Variants in STAU2 observed in about 807,000 individuals in gnomAD.
STAU2 encodes the protein staufen double-stranded RNA binding protein 2, also known as double-stranded RNA-binding protein Staufen homolog 2.
In STAU2, 20 loss-of-function variants were observed where a neutral mutation model predicts 65.9. The ratio of observed to expected loss-of-function variants is 0.30; its 90% CI spans 0.21 to 0.44. The LOEUF (loss-of-function observed/expected upper bound fraction) is 0.44, where lower values mean the gene tolerates loss of function less well. STAU2 is among the 20% of genes least tolerant of loss of function. STAU2 has a pLI of 1.00. For synonymous variants in STAU2, 232 were observed against 233.9 expected, an observed-to-expected ratio of 0.99 and a Z score of 0.07; for missense variants, 558 against 683.9, an observed-to-expected ratio of 0.82 and a Z score of 2.05.
At chr8:73,551,852 A>G in intron 13 of STAU2, 160 bp downstream of exon 13, 4 of 1,310,720 alleles carry the variant, frequency 3.1e-6, no homozygotes, top group Non-Finnish European at 3.9e-6. Flanking sequence ...AGGCATGTGC[A>G]TATGGCTTTT....
chr8:73,627,440 A>AG (rs1188477806), intron 6 of STAU2, among the ~76,000 whole-genome samples: 1 of 152,106 alleles, frequency 6.6e-6, no homozygotes, highest in Non-Finnish European at 1.5e-5. Context: ...GCCTCGTCAC[A>AG]GGGGCCTTCT....
At chr8:73,704,015 A>G (rs1215281528) in intron 4 of STAU2, among the ~76,000 whole-genome samples, 1 of 152,138 alleles carries the variant, frequency 6.6e-6, no homozygotes, top group Non-Finnish European at 1.5e-5. Context: ...TTTCCCTTCC[A>G]CTATCCTCAC....
chr8:73,703,106 C>G (rs78263291), intron 4 of STAU2, among the ~76,000 whole-genome samples: 1 of 152,100 alleles, frequency 6.6e-6, no homozygotes, highest in East Asian at 1.9e-4. Context: ...GGTTTGGATC[C>G]GTGTCCCCAC....
intron 13 of STAU2, among the ~76,000 whole-genome samples, chr8:73,467,407 C>T (rs2128903570): frequency 6.6e-6 from 1 of 152,242 alleles, no homozygotes; most frequent in Admixed American, 6.5e-5. Flanking sequence ...TGGCGGGCGC[C>T]TGTAGTCCCA....
At position 73,552,234 on chromosome 8, in the gene STAU2, T is replaced by A. The variant is rs770341717; in HGVS notation, c.1308A>T (p.Leu436=). The change falls in exon 13 of 15, where the codon CTA becomes CTT. Residue 436 remains leucine, a synonymous_variant. Transcript: ENST00000524300. ...TCATATCTTTGGGTGACAAATAGCC[T>A]AGAGTAGTGCCAGAGATTACTTTGT... The part of the protein sequence containing the change: ...SRHKVISGTT[L]GYLSPKDMNQ... 6.2e-7 allele frequency: 1 copy of A among 1,613,996 alleles called. No homozygotes were observed. Among genetic ancestry groups the A allele is most frequent in the East Asian group, 2.2e-5 (1 of 44,864 alleles).
chr8:73,604,219 C>CATTTT (rs747579074), intron 9 of STAU2, among the ~76,000 whole-genome samples: 5 of 151,914 alleles, frequency 3.3e-5, no homozygotes, highest in Non-Finnish European at 7.4e-5. Context: ...AACACATTAT[C>CATTTT]ATTTTATTTT....
At chr8:73,612,327 A>C (rs1156755887) in intron 9 of STAU2, among the ~76,000 whole-genome samples, 1 of 152,236 alleles carries the variant, frequency 6.6e-6, no homozygotes, top group Non-Finnish European at 1.5e-5. Flanking sequence ...AATCCCATAC[A>C]GCAAGGTCAG....
chr8:73,516,113 T>C (rs1822712831), intron 13 of STAU2, among the ~76,000 whole-genome samples: 1 of 151,598 alleles, frequency 6.6e-6, no homozygotes, highest in Admixed American at 6.6e-5. Flanking sequence ...TTTTTTTTGG[T>C]ATTTTCTGTA....
intron 6 of STAU2, chr8:73,669,138 C>T: frequency 1.4e-6 from 1 of 701,246 alleles, no homozygotes; most frequent in Non-Finnish European, 2.6e-6. Context: ...TATGAGAAAT[C>T]ATGGTTGTAA....
Position 73,676,210 on chromosome 8 carries a change from TCAAGACTG to T in STAU2, c.275-2976_275-2969del, listed in dbSNP as rs142962554. Among the ~76,000 whole-genome samples, 235 of 152,170 alleles carry T rather than the reference TCAAGACTG, an allele frequency of 1.5e-3. 1 individual carries two copies. The highest frequency in any genetic ancestry group is 5.1e-3 in the African/African-American group (211 of 41,516). On this transcript the variant is annotated intron_variant, in intron 5 of 14. Coordinates refer to ENST00000524300, the MANE Select transcript of STAU2 (RefSeq NM_001164380.2). ...TAAGACCCATCTACACACTGTGGAG[TCAAGACTG>T]GATCTTTCCTCCACAGACCTATTAC...
intron 5 of STAU2, among the ~76,000 whole-genome samples, chr8:73,674,454 AC>A (rs1352719746): frequency 6.6e-6 from 1 of 151,976 alleles, no homozygotes; most frequent in Non-Finnish European, 1.5e-5. Flanking sequence ...CTTAAGTCAA[AC>A]AAAATTAAAT....
At chr8:73,662,426 T>C (rs575383062) in intron 6 of STAU2, among the ~76,000 whole-genome samples, 1 of 152,366 alleles carries the variant, frequency 6.6e-6, no homozygotes, top group South Asian at 2.1e-4. Flanking sequence ...TGATGACATG[T>C]AATTTCTCAA....
At chr8:73,709,826 T>A (rs1488056025) in intron 3 of STAU2, among the ~76,000 whole-genome samples, 2 of 152,044 alleles carry the variant, frequency 1.3e-5, no homozygotes, top group Admixed American at 1.3e-4. Context: ...CCTGTTAAGT[T>A]CCTTATTATC....
chr8:73,681,679 A>T (rs545983438), intron 5 of STAU2, among the ~76,000 whole-genome samples: 7 of 152,264 alleles, frequency 4.6e-5, no homozygotes, highest in African/African-American at 1.7e-4. Context: ...AAGATACAGA[A>T]TGGCAGAATG....
At chr8:73,656,484 C>T (rs1308639385) in intron 6 of STAU2, among the ~76,000 whole-genome samples, 1 of 152,254 alleles carries the variant, frequency 6.6e-6, no homozygotes, top group Non-Finnish European at 1.5e-5. Flanking sequence ...TTCTCCATTT[C>T]TGGGAAATAT....
At chr8:73,672,996 A>T (rs983693858) in intron 6 of STAU2, 111 bp downstream of exon 6, 10 of 1,034,570 alleles carry the variant, frequency 9.7e-6, no homozygotes, top group Non-Finnish European at 1.3e-5. Context: ...TTCCATGCAC[A>T]ATGCCCAAGG....
chr8:73,687,551 T>C (rs1179854722), intron 5 of STAU2, among the ~76,000 whole-genome samples: 1 of 139,616 alleles, frequency 7.2e-6, no homozygotes, highest in Non-Finnish European at 1.5e-5. Context: ...AAAAGAGAAA[T>C]TAATCATTTT....
intron 13 of STAU2, among the ~76,000 whole-genome samples, chr8:73,536,000 G>A (rs932223273): frequency 5.9e-5 from 9 of 151,972 alleles, no homozygotes; most frequent in African/African-American, 2.2e-4. Flanking sequence ...TTAACATGGT[G>A]CTTTCTACTC....
intron 3 of STAU2, among the ~76,000 whole-genome samples, chr8:73,733,277 C>A (rs1364675997): frequency 6.6e-6 from 1 of 152,198 alleles, no homozygotes; most frequent in Non-Finnish European, 1.5e-5. Context: ...AATACTACAA[C>A]CGCCTAATAT....
Sources: allele counts gnomAD v4.1 joint callset (sites outside exome capture counted in the v4.1 genomes callset), GRCh38; gene constraint gnomAD v4.1.1; transcripts MANE v1.5; gene names NCBI Gene and HGNC (gene_info 2026-07-23, HGNC 2026-07-21).